The following HMGA2 variants were observed in gnomAD, a reference collection of about 807,000 sequenced individuals.
The protein encoded by HMGA2 is high mobility group AT-hook 2.
HMGA2 carries 8 observed loss-of-function variants against 19.1 expected under a neutral mutation model. The ratio of observed to expected loss-of-function variants is 0.42; its 90% CI spans 0.25 to 0.76. The LOEUF (loss-of-function observed/expected upper bound fraction) is 0.76, where lower values mean the gene tolerates loss of function less well. HMGA2 is among the 30% of genes least tolerant of loss of function. The pLI, the probability that HMGA2 is intolerant of heterozygous loss-of-function variation, is 0.28. For synonymous variants in HMGA2, 60 were observed against 48.8 expected, an observed-to-expected ratio of 1.23 and a Z score of -0.96; for missense variants, 109 against 136.3, an observed-to-expected ratio of 0.80 and a Z score of 1.00.
chr12:65,827,915 C>T, intron 1 of HMGA2, 86 bp from the exon 2 acceptor site: 1 of 911,930 alleles, frequency 1.1e-6, no homozygotes, highest in Non-Finnish European at 1.8e-6. Flanking sequence ...TTGAGCAGCA[C>T]ATGCAGAAAA....
intron 3 of HMGA2, among the ~76,000 whole-genome samples, chr12:65,889,662 T>C (rs1283870129): frequency 6.6e-6 from 1 of 152,196 alleles, no homozygotes; most frequent in Admixed American, 6.5e-5. Flanking sequence ...TGTTTGAAAG[T>C]GGTTTATGTC....
rs1876823845 is a variant in HMGA2, at chr12:65,963,733, G to A, written c.*441G>A. On this transcript the variant is annotated 3_prime_UTR_variant, in exon 5 of 5. Transcript: ENST00000403681. ...GGCATTCATATAGGAAGAACGCGGT[G>A]TGTAACACTGTGTACACCTCAAATA... is the stretch of plus-strand genomic sequence containing the variant. 1 of 342,892 alleles carries A rather than the reference G, an allele frequency of 2.9e-6. No homozygotes were observed. Among genetic ancestry groups the A allele is most frequent in the Non-Finnish European group, 5.4e-6 (1 of 184,616 alleles). The allele number at this position is 342,892 out of a possible 1,614,324, so 21.2% of individuals were successfully genotyped here. A position where few individuals can be genotyped will look rare whatever the true frequency, so the allele number is the denominator to read the frequency against.
rs934288745 is a variant in HMGA2 at position 65,825,053 on chromosome 12, C to G, written c.-218C>G. The G allele has an allele frequency of 4.2e-6, 2 of 472,516 alleles. No homozygotes were observed. Among genetic ancestry groups the G allele is most frequent in the Non-Finnish European group, 7.5e-6 (2 of 267,474 alleles). The allele number at this position is 472,516 out of a possible 1,614,324, so 29.3% of individuals were successfully genotyped here. A position where few individuals can be genotyped will look rare whatever the true frequency, so the allele number is the denominator to read the frequency against. On this transcript the variant is annotated 5_prime_UTR_variant, in exon 1 of 5. Coordinates refer to ENST00000403681, the MANE Select transcript of HMGA2 (RefSeq NM_003483.6). The surrounding 1 kb of genome is among the most constrained non-coding windows in gnomAD (Gnocchi z 4.4). ...CGGCAGCGCCTCCTCCTCTCCTCCTCCTCCTCCCCTCTTCTCTTTTTGGCA... is the reference window on the plus strand; with the variant it reads ...CGGCAGCGCCTCCTCCTCTCCTCCTGCTCCTCCCCTCTTCTCTTTTTGGCA...
At chr12:65,841,439 A>G (rs1463726941) in intron 3 of HMGA2, among the ~76,000 whole-genome samples, 2 of 152,232 alleles carry the variant, frequency 1.3e-5, no homozygotes, top group Non-Finnish European at 2.9e-5. Flanking sequence ...TATTTTTTCT[A>G]GACAGTGTGT....
chr12:65,903,160 A>G (rs528756262), intron 3 of HMGA2, among the ~76,000 whole-genome samples: 5 of 152,152 alleles, frequency 3.3e-5, no homozygotes, highest in Non-Finnish European at 7.4e-5. Context: ...TTTATATTTC[A>G]TTGTCTCTTG....
chr12:65,928,957 C>CATGT (rs370239997), intron 3 of HMGA2, among the ~76,000 whole-genome samples: 84 of 152,070 alleles, frequency 5.5e-4, no homozygotes, highest in African/African-American at 1.3e-3. Flanking sequence ...TGTATATATG[C>CATGT]ATGTATGTAT....
At chr12:65,919,840 G>T (rs1265077086) in intron 3 of HMGA2, among the ~76,000 whole-genome samples, 1 of 152,162 alleles carries the variant, frequency 6.6e-6, no homozygotes, top group Admixed American at 6.5e-5. Context: ...ATATTATCCT[G>T]CTTTTCCTCA....
At chr12:65,877,066 G>A (rs1237750964) in intron 3 of HMGA2, 1 of 152,210 alleles carries the variant, frequency 6.6e-6, no homozygotes, top group Non-Finnish European at 1.5e-5. Context: ...TCACCTTCCT[G>A]GTTGGCTTTG....
intron 2 of HMGA2, among the ~76,000 whole-genome samples, chr12:65,836,233 C>G (rs887292292): frequency 7.9e-5 from 12 of 152,084 alleles, no homozygotes; most frequent in African/African-American, 2.7e-4. Context: ...GTGGCAGGCG[C>G]CTGTAGTCCC....
At chr12:65,879,779 T>TGG (rs1275845081) in intron 3 of HMGA2, among the ~76,000 whole-genome samples, 16 of 152,358 alleles carry the variant, frequency 1.1e-4, no homozygotes, top group African/African-American at 3.6e-4. Flanking sequence ...TATGCATATG[T>TGG]GGATGTGTGT....
intron 3 of HMGA2, among the ~76,000 whole-genome samples, chr12:65,895,078 C>A (rs1456145875): frequency 6.6e-6 from 1 of 152,152 alleles, no homozygotes; most frequent in Non-Finnish European, 1.5e-5. Flanking sequence ...CCTTTGCAAT[C>A]ACTTTACTAC....
chr12:65,895,586 A>T (rs1424173432), intron 3 of HMGA2, among the ~76,000 whole-genome samples: 1 of 152,206 alleles, frequency 6.6e-6, no homozygotes. Context: ...CGGCTCTTGT[A>T]TAATAAAAAC....
chr12:65,874,720 T>C (rs928410555), intron 3 of HMGA2, among the ~76,000 whole-genome samples: 7 of 152,210 alleles, frequency 4.6e-5, no homozygotes, highest in Non-Finnish European at 8.8e-5. Context: ...TGGATAATCA[T>C]AGTTCAAACT....
intron 2 of HMGA2, among the ~76,000 whole-genome samples, chr12:65,829,421 A>G (rs1430672117): frequency 6.6e-6 from 1 of 152,072 alleles, no homozygotes; most frequent in African/African-American, 2.4e-5. Flanking sequence ...AATACTTTAC[A>G]TTTGTTTCAT....
chr12:65,828,861 A>G (rs956328968), intron 2 of HMGA2: 1 of 152,260 alleles, frequency 6.6e-6, no homozygotes, highest in South Asian at 2.1e-4. Context: ...GCAGTTTAAG[A>G]TAACTTCAGG....
chr12:65,861,827 G>A (rs1046766766), intron 3 of HMGA2, among the ~76,000 whole-genome samples: 57 of 148,410 alleles, frequency 3.8e-4, no homozygotes, highest in African/African-American at 1.3e-3. Flanking sequence ...AAAAAAATCC[G>A]TTTTTGTGCA....
At chr12:65,914,968 C>G (rs564723640) in intron 3 of HMGA2, 476 of 1,560,502 alleles carry the variant, frequency 3.1e-4, no homozygotes, top group Non-Finnish European at 4.0e-4. Flanking sequence ...AGCCATCGTG[C>G]CTGGTCTAAA....
At chr12:65,862,091 C>T (rs1184262333) in intron 3 of HMGA2, among the ~76,000 whole-genome samples, 4 of 152,030 alleles carry the variant, frequency 2.6e-5, no homozygotes, top group African/African-American at 7.2e-5. Context: ...GTGATCCACC[C>T]GCCTCGGCCT....
chr12:65,871,579 C>T lies in HMGA2; in HGVS notation c.249+33010C>T, dbSNP rs558537180. On this transcript the variant is annotated intron_variant, in intron 3 of 4. Coordinates refer to ENST00000403681, the MANE Select transcript of HMGA2 (RefSeq NM_003483.6). ...TTTGAATGTTCTATATCTAGATTCT[C>T]GAGGCTAAAGAATAATGAAGCAGAA... is the stretch of plus-strand genomic sequence containing the variant. Among the ~76,000 whole-genome samples the T allele has an allele frequency of 2.8e-4, 42 of 152,300 alleles. 1 individual carries two copies. The highest frequency in any genetic ancestry group is 9.1e-4 in the African/African-American group (38 of 41,552).
Sources: allele counts gnomAD v4.1 joint callset (sites outside exome capture counted in the v4.1 genomes callset), GRCh38; gene constraint gnomAD v4.1.1; non-coding constraint Gnocchi (gnomAD v3.1); transcripts MANE v1.5; gene names NCBI Gene and HGNC (gene_info 2026-07-23, HGNC 2026-07-21).